Variants in CSGALNACT1 observed in about 807,000 individuals in gnomAD.
CSGALNACT1 encodes the protein beta4GalNAcT-1.
In CSGALNACT1, 52 loss-of-function variants were observed where a neutral mutation model predicts 51.0. The ratio of observed to expected loss-of-function variants is 1.02; its 90% confidence interval spans 0.82 to 1.29. The LOEUF (loss-of-function observed/expected upper bound fraction) is 1.29, where lower values mean the gene tolerates loss of function less well. Ranked by LOEUF, CSGALNACT1 falls within the 50% of genes most tolerant of loss-of-function variation. The pLI, the probability that CSGALNACT1 is intolerant of heterozygous loss-of-function variation, is 0.00. For missense variants in CSGALNACT1, 935 were observed against 679.2 expected (o/e 1.38, Z -4.19); for synonymous variants, 341 against 254.4 (o/e 1.34, Z -3.24).
intron 1 of CSGALNACT1, among the ~76,000 whole-genome samples, chr8:19,658,384 TTAAC>T (rs1415735688): frequency 1.3e-5 from 2 of 152,186 alleles, no homozygotes; most frequent in Non-Finnish European, 2.9e-5. Context: ...CAACCATACT[TTAAC>T]TATGTTTCAA....
chr8:19,478,054 T>C (rs1427247137), intron 4 of CSGALNACT1, among the ~76,000 whole-genome samples: 3 of 152,154 alleles, frequency 2.0e-5, no homozygotes, highest in Non-Finnish European at 4.4e-5. Context: ...CTAGGTCTGG[T>C]GGTTCCCGTT....
At chr8:19,650,333 G>T (rs1409817637) in intron 1 of CSGALNACT1, among the ~76,000 whole-genome samples, 1 of 152,174 alleles carries the variant, frequency 6.6e-6, no homozygotes, top group Non-Finnish European at 1.5e-5. Flanking sequence ...AAAACTGTGA[G>T]CAGTGTGAAA....
Position 19,740,825 on chromosome 8 carries a change from A to G in CSGALNACT1, c.-297+17025T>C, listed in dbSNP as rs373746229. ...AGGAAGCACATGTGAAGGGTTTCAA[A>G]GGAATGTTCTAGATGCTTATGGATA... On this transcript the variant is annotated intron_variant, in intron 1 of 1. Transcript: ENST00000517494. Among the ~76,000 whole-genome samples, 9 of 152,350 alleles carry G rather than the reference A, an allele frequency of 5.9e-5. No homozygotes were observed. The East Asian group carries it at 9.6e-4, about 16-fold the overall frequency.
intron 1 of CSGALNACT1, among the ~76,000 whole-genome samples, chr8:19,628,920 G>C (rs1343153515): frequency 3.9e-5 from 6 of 152,156 alleles, no homozygotes; most frequent in Admixed American, 6.5e-5. Flanking sequence ...GCAAAGGCCT[G>C]GGAAGTGATC....
At chr8:19,424,538 T>C (rs1314736925) in intron 6 of CSGALNACT1, among the ~76,000 whole-genome samples, 1 of 152,064 alleles carries the variant, frequency 6.6e-6, no homozygotes, top group Non-Finnish European at 1.5e-5. Context: ...TTGCCAAACC[T>C]CCTGGGCCTA....
intron 1 of CSGALNACT1, among the ~76,000 whole-genome samples, chr8:19,649,924 T>C (rs1564347846): frequency 6.9e-6 from 1 of 145,170 alleles, no homozygotes. Flanking sequence ...TGGTAGGGAA[T>C]ACATTCACCA....
intron 1 of CSGALNACT1, among the ~76,000 whole-genome samples, chr8:19,716,612 C>CCAAAAAAAAAAAA (rs1414449293): frequency 4.8e-5 from 2 of 41,988 alleles, no homozygotes; most frequent in African/African-American, 9.1e-5. Context: ...ACCCTCTCTA[C>CCAAAAAAAAAAAA]AAAAAAAAAA....
intron 3 of CSGALNACT1, among the ~76,000 whole-genome samples, chr8:19,514,508 T>TATAC (rs1212104343): frequency 7.2e-6 from 1 of 139,360 alleles, no homozygotes; most frequent in African/African-American, 2.8e-5. Flanking sequence ...TATATATATA[T>TATAC]ATACATGTAT....
At chr8:19,630,042 C>T (rs150149067) in intron 1 of CSGALNACT1, among the ~76,000 whole-genome samples, 5 of 152,220 alleles carry the variant, frequency 3.3e-5, no homozygotes, top group Non-Finnish European at 7.4e-5. Context: ...CCCATGGATG[C>T]TATGGCAGAG....
At chr8:19,706,676 T>C (rs1453638530) in intron 1 of CSGALNACT1, among the ~76,000 whole-genome samples, 1 of 152,156 alleles carries the variant, frequency 6.6e-6, no homozygotes. Context: ...CTCCTCCTTG[T>C]GTGTGAAGCC....
At chr8:19,602,155 C>T (rs2050571674) in exon 1 of CSGALNACT1, 1 of 191,856 alleles carries the variant, frequency 5.2e-6, no homozygotes, top group Non-Finnish European at 1.1e-5. Context: ...TCAAAAAAGC[C>T]GATCTCGCAG....
At chr8:19,647,254 A>G (rs1411763298) in intron 1 of CSGALNACT1, among the ~76,000 whole-genome samples, 1 of 152,086 alleles carries the variant, frequency 6.6e-6, no homozygotes, top group Non-Finnish European at 1.5e-5. Flanking sequence ...CCCAGTGACT[A>G]AAAATGGCTA....
chr8:19,519,084 G>A (rs1045111341), intron 3 of CSGALNACT1, among the ~76,000 whole-genome samples: 17 of 152,242 alleles, frequency 1.1e-4, no homozygotes, highest in African/African-American at 3.6e-4. Flanking sequence ...TTTAGACACA[G>A]CTCTCCAAGA....
At chr8:19,620,391 T>A (rs2053664736) in intron 1 of CSGALNACT1, among the ~76,000 whole-genome samples, 1 of 149,024 alleles carries the variant, frequency 6.7e-6, no homozygotes. Context: ...AACACTATCA[T>A]CATTCAGTAC....
At chr8:19,478,401 G>C (rs534787640) in intron 4 of CSGALNACT1, among the ~76,000 whole-genome samples, 217 of 131,780 alleles carry the variant, frequency 1.6e-3, no homozygotes, top group African/African-American at 6.2e-3. Flanking sequence ...GCGACAGAGC[G>C]AGACTCCGTC....
intron 4 of CSGALNACT1, among the ~76,000 whole-genome samples, chr8:19,503,358 G>A (rs554112375): frequency 6.6e-6 from 1 of 152,344 alleles, no homozygotes; most frequent in South Asian, 2.1e-4. Flanking sequence ...GGGGCAAGAG[G>A]CTGGTGTCAC....
chr8:19,474,882 A>AAAAG (rs2069121304), intron 4 of CSGALNACT1, among the ~76,000 whole-genome samples: 1 of 150,626 alleles, frequency 6.6e-6, no homozygotes, highest in Non-Finnish European at 1.5e-5. Context: ...AAAAAAAAAA[A>AAAAG]AAAAGAAAAA....
chr8:19,428,405 C>A (rs1347240838), intron 6 of CSGALNACT1, among the ~76,000 whole-genome samples: 1 of 152,096 alleles, frequency 6.6e-6, no homozygotes, highest in Non-Finnish European at 1.5e-5. Flanking sequence ...GAGAACCAAG[C>A]AAAAGAGATC....
intron 3 of CSGALNACT1, among the ~76,000 whole-genome samples, chr8:19,546,447 G>C (rs898045999): frequency 2.6e-5 from 4 of 152,150 alleles, no homozygotes; most frequent in Admixed American, 2.0e-4. Context: ...GACCTCAATA[G>C]AACATTGAAA....
Sources: allele counts gnomAD v4.1 joint callset (sites outside exome capture counted in the v4.1 genomes callset), GRCh38; gene constraint gnomAD v4.1.1; transcripts MANE v1.5; gene names NCBI Gene and HGNC (gene_info 2026-07-23, HGNC 2026-07-21).